CLIP1: variants seen among roughly 807,000 people sequenced by gnomAD.
CLIP1 encodes CAP-Gly domain-containing linker protein 1.
In CLIP1, 66 loss-of-function variants were observed where a neutral mutation model predicts 161.6. The observed-to-expected ratio is 0.41, with a 90% CI of 0.33 to 0.50. CLIP1 has a LOEUF of 0.50. Among genes scored for constraint, CLIP1 ranks in the 20% least tolerant of loss-of-function variants. The probability of loss-of-function intolerance (pLI) is 0.27; values close to 1 mark genes in which losing one functional copy is unlikely to be tolerated. For synonymous variants in CLIP1, 598 were observed against 626.2 expected, an observed-to-expected ratio of 0.96 and a Z score of 0.67; for missense variants, 1,376 against 1,702.0, an observed-to-expected ratio of 0.81 and a Z score of 3.37.
chr12:122,415,627 T>G (rs1180901791), intron 1 of CLIP1, among the ~76,000 whole-genome samples: 1 of 151,900 alleles, frequency 6.6e-6, no homozygotes, highest in Admixed American at 6.6e-5. Context: ...GAGACCAACC[T>G]GGCCAAAATG....
chr12:122,285,198 G>A (rs1179659522), intron 21 of CLIP1, among the ~76,000 whole-genome samples: 1 of 150,994 alleles, frequency 6.6e-6, no homozygotes, highest in African/African-American at 2.4e-5. Flanking sequence ...GAATTATGAC[G>A]TGCTACATAA....
chr12:122,347,578 C>G, intron 9 of CLIP1, 99 bp from the exon 10 acceptor site: 1 of 867,470 alleles, frequency 1.2e-6, no homozygotes, highest in East Asian at 2.5e-5. Flanking sequence ...CCACCAGTAC[C>G]TTCTGCCAAA....
At chr12:122,390,223 C>CACACATATATACACACACATATATAT (rs1253893089) in intron 1 of CLIP1, among the ~76,000 whole-genome samples, 11 of 127,866 alleles carry the variant, frequency 8.6e-5, no homozygotes, top group Admixed American at 1.7e-4. Context: ...CATATATATA[C>CACACATATATACACACACATATATAT]ACACATATAT....
At chr12:122,397,964 C>A (rs199959215) in intron 1 of CLIP1, among the ~76,000 whole-genome samples, 24 of 145,496 alleles carry the variant, frequency 1.6e-4, no homozygotes, top group African/African-American at 2.3e-4. Flanking sequence ...CAAAAAAAAA[C>A]AAAAAAAAAA....
intron 3 of CLIP1, among the ~76,000 whole-genome samples, chr12:122,376,832 A>G (rs954575016): frequency 6.6e-6 from 1 of 152,046 alleles, no homozygotes; most frequent in African/African-American, 2.4e-5. Flanking sequence ...TCTTTTAGCT[A>G]AACTGCTAGA....
At chr12:122,331,013 AT>A (rs199721978) in intron 15 of CLIP1, among the ~76,000 whole-genome samples, 8 of 146,788 alleles carry the variant, frequency 5.5e-5, no homozygotes, top group African/African-American at 1.6e-4. Context: ...CCTTTTTATT[AT>A]TTATTTATTT....
chr12:122,405,330 T>A (rs1226066330), intron 1 of CLIP1, among the ~76,000 whole-genome samples: 2 of 152,158 alleles, frequency 1.3e-5, no homozygotes, highest in Non-Finnish European at 2.9e-5. Flanking sequence ...TAACTCTAGG[T>A]TTTTTTTAGT....
chr12:122,372,806 A>G (rs1253855290), intron 3 of CLIP1, among the ~76,000 whole-genome samples: 1 of 152,112 alleles, frequency 6.6e-6, no homozygotes, highest in Non-Finnish European at 1.5e-5. Context: ...TCCATCAGCA[A>G]TCTAGGCAAA....
chr12:122,295,669 C>G (rs1282631456), intron 20 of CLIP1, among the ~76,000 whole-genome samples: 1 of 152,208 alleles, frequency 6.6e-6, no homozygotes, highest in Non-Finnish European at 1.5e-5. Context: ...CCTTCTTCAT[C>G]TCTGCATAGT....
At chr12:122,292,560 G>A (rs1950291692) in intron 20 of CLIP1, among the ~76,000 whole-genome samples, 2 of 152,018 alleles carry the variant, frequency 1.3e-5, no homozygotes, top group African/African-American at 2.4e-5. Context: ...ATTTCTCTAT[G>A]CACTTCTGAC....
intron 5 of CLIP1, among the ~76,000 whole-genome samples, chr12:122,357,861 A>AG (rs1441961304): frequency 6.6e-6 from 1 of 151,224 alleles, no homozygotes; most frequent in Admixed American, 6.6e-5. Context: ...CTGGGAGGTG[A>AG]GGGGCGCCTC....
intron 1 of CLIP1, among the ~76,000 whole-genome samples, chr12:122,408,636 C>T (rs1331740246): frequency 1.3e-5 from 2 of 151,912 alleles, no homozygotes; most frequent in African/African-American, 2.4e-5. Flanking sequence ...GTGTGAGCTA[C>T]CGCGCCCAGC....
At chr12:122,377,318 T>C (rs1954788020) in intron 3 of CLIP1, 71 bp downstream of exon 3, 1 of 1,390,670 alleles carries the variant, frequency 7.2e-7, no homozygotes, top group Non-Finnish European at 1.0e-6. Flanking sequence ...CTGATGTGTG[T>C]GTATTTCAAC....
intron 1 of CLIP1, chr12:122,400,884 G>A (rs1300603015): frequency 1.3e-5 from 2 of 149,126 alleles, no homozygotes; most frequent in Non-Finnish European, 3.0e-5. Flanking sequence ...AAACACAGAA[G>A]CATTACAGGG....
chr12:122,349,903 GTTTTT>G (rs66666037), intron 9 of CLIP1, among the ~76,000 whole-genome samples: 12 of 145,486 alleles, frequency 8.2e-5, no homozygotes, highest in Non-Finnish European at 3.0e-5. Flanking sequence ...TGTTTTTTTT[GTTTTT>G]TTTGTTTTTT....
rs1566134658 is a variant in CLIP1, at chr12:122,336,734, G to A, written c.2466C>T (p.Thr822=). ...NAESSKASSI[T]RELQGRELKL... ...TTAGCTCTCTCCCCTGGAGCTCTCT[G>A]GTAATGCTACTAGCCTAACACACAG... The change falls in exon 12 of 26, where the codon ACC becomes ACT. Residue 822 remains threonine, a synonymous_variant. Coordinates refer to ENST00000620786, the MANE Select transcript of CLIP1 (RefSeq NM_001247997.2). The A allele has an allele frequency of 6.3e-7, 1 of 1,592,186 alleles. No individual in the cohort carries two copies. Among genetic ancestry groups the A allele is most frequent in the South Asian group, 1.1e-5 (1 of 90,148 alleles).
chr12:122,347,369 C>CATTA lies in CLIP1; in HGVS notation c.1506+2_1506+5dup. 3 of 1,593,470 alleles carry CATTA rather than the reference C, an allele frequency of 1.9e-6. No homozygotes were observed. The highest frequency in any genetic ancestry group is 2.6e-6 in the Non-Finnish European group (3 of 1,161,598). ...GTCTGCTTCATTAAATAGTGAAAAC[C>CATTA]ATTACCCTAGTGTCTTCTAACTCCC... is the stretch of plus-strand genomic sequence containing the variant. On this transcript the variant is annotated splice_donor_region_variant and intron_variant, in intron 10 of 25. Transcript: ENST00000620786.
intron 11 of CLIP1, among the ~76,000 whole-genome samples, chr12:122,337,835 GA>G (rs1952307108): frequency 6.6e-6 from 1 of 151,788 alleles, no homozygotes; most frequent in Non-Finnish European, 1.5e-5. Context: ...CCAACATGGT[GA>G]AACCCCATCT....
chr12:122,404,556 C>A (rs1449766643), intron 1 of CLIP1, among the ~76,000 whole-genome samples: 1 of 151,504 alleles, frequency 6.6e-6, no homozygotes, highest in Non-Finnish European at 1.5e-5. Context: ...GCCAAGATTG[C>A]GCCACAGCAC....
Sources: allele counts gnomAD v4.1 joint callset (sites outside exome capture counted in the v4.1 genomes callset), GRCh38; gene constraint gnomAD v4.1.1; transcripts MANE v1.5; gene names NCBI Gene and HGNC (gene_info 2026-07-23, HGNC 2026-07-21).